SUGCT: variants seen among roughly 807,000 people sequenced by gnomAD.
SUGCT encodes the protein succinyl-CoA:glutarate CoA-transferase.
In SUGCT, 41 loss-of-function variants were observed where a neutral mutation model predicts 55.0. That is an observed-to-expected ratio of 0.74 (90% CI 0.58 to 0.97). The LOEUF (loss-of-function observed/expected upper bound fraction) is 0.97, where lower values mean the gene tolerates loss of function less well. Among genes scored for constraint, SUGCT ranks in the 50% least tolerant of loss-of-function variants. SUGCT has a pLI of 0.00. For synonymous variants in SUGCT, 187 were observed against 200.4 expected (o/e 0.93, Z 0.56); for missense variants, 568 against 547.8 (o/e 1.04, Z -0.37).
intron 12 of SUGCT, among the ~76,000 whole-genome samples, chr7:40,512,701 T>C (rs1792998403): frequency 6.6e-6 from 1 of 151,944 alleles, no homozygotes; most frequent in Admixed American, 6.6e-5. Context: ...GTGGAAAATG[T>C]GGTGAAGGGG....
At chr7:41,016,296 C>T in the SUGCT span, among the ~76,000 whole-genome samples, 12 of 152,116 alleles carry the variant, frequency 7.9e-5, no homozygotes, top group African/African-American at 2.7e-4. Context: ...ACTGGCTAAT[C>T]TTAGAGACAG....
intron 7 of SUGCT, among the ~76,000 whole-genome samples, chr7:40,243,062 A>T: frequency 6.9e-6 from 1 of 144,408 alleles, no homozygotes; most frequent in East Asian, 2.1e-4. Flanking sequence ...CAGCCTCCTG[A>T]GTAGCTGGGA....
intron 9 of SUGCT, among the ~76,000 whole-genome samples, chr7:40,381,635 T>C (rs1001748672): frequency 7.2e-5 from 11 of 152,122 alleles, no homozygotes; most frequent in African/African-American, 2.7e-4. Flanking sequence ...TCAATCATGT[T>C]GTGGTAGTGT....
intron 7 of SUGCT, among the ~76,000 whole-genome samples, chr7:40,255,087 C>T (rs1196697683): frequency 6.6e-6 from 1 of 150,906 alleles, no homozygotes; most frequent in Non-Finnish European, 1.5e-5. Context: ...ATTAGCCATG[C>T]GTGGTGGCAG....
chr7:40,705,999 C>G (rs955978827), intron 12 of SUGCT, among the ~76,000 whole-genome samples: 2 of 152,170 alleles, frequency 1.3e-5, no homozygotes, highest in African/African-American at 2.4e-5. Context: ...GCTTCAGAGG[C>G]ATGTGATTTT....
chr7:40,410,369 C>CA (rs1468251082), intron 9 of SUGCT, among the ~76,000 whole-genome samples: 3 of 152,196 alleles, frequency 2.0e-5, no homozygotes, highest in South Asian at 4.2e-4. Context: ...TAAATGAAGG[C>CA]AATAGGGAGA....
the SUGCT span, among the ~76,000 whole-genome samples, chr7:40,868,784 G>C: frequency 2.6e-5 from 4 of 152,166 alleles, no homozygotes; most frequent in Non-Finnish European, 5.9e-5. Flanking sequence ...CTGGCCTCAA[G>C]TGATTCTCTC....
chr7:40,684,655 A>G (rs1357622569), intron 12 of SUGCT, among the ~76,000 whole-genome samples: 1 of 152,170 alleles, frequency 6.6e-6, no homozygotes, highest in Non-Finnish European at 1.5e-5. Context: ...TCCATGGACA[A>G]TGAGGATTTA....
intron 12 of SUGCT, among the ~76,000 whole-genome samples, chr7:40,647,714 G>T (rs997493239): frequency 1.3e-5 from 2 of 152,034 alleles, no homozygotes; most frequent in Admixed American, 1.3e-4. Flanking sequence ...AGCCAGGCAT[G>T]GGGGTGGGCA....
chr7:40,475,549 G>A (rs1790620572), intron 11 of SUGCT, among the ~76,000 whole-genome samples: 1 of 152,124 alleles, frequency 6.6e-6, no homozygotes, highest in Non-Finnish European at 1.5e-5. Flanking sequence ...AACCATATTG[G>A]TGACTAATTC....
intron 13 of SUGCT, among the ~76,000 whole-genome samples, chr7:40,844,028 A>G (rs992731720): frequency 6.6e-6 from 1 of 151,960 alleles, no homozygotes; most frequent in Non-Finnish European, 1.5e-5. Context: ...GGGTGCAGGA[A>G]CCAGGGCAAA....
chr7:40,759,154 T>C (rs1262089530), intron 13 of SUGCT, among the ~76,000 whole-genome samples: 2 of 152,196 alleles, frequency 1.3e-5, no homozygotes, highest in African/African-American at 4.8e-5. Flanking sequence ...GCTTTCTCTT[T>C]GTTGCTGGGC....
chr7:40,390,355 G>A (rs1785357902), intron 9 of SUGCT, among the ~76,000 whole-genome samples: 6 of 152,156 alleles, frequency 3.9e-5, no homozygotes. Context: ...GTCCCTGTTT[G>A]CAGATGACAT....
intron 12 of SUGCT, among the ~76,000 whole-genome samples, chr7:40,742,819 C>T (rs1787536161): frequency 6.6e-6 from 1 of 152,060 alleles, no homozygotes; most frequent in South Asian, 2.1e-4. Context: ...GTAAGTTTTG[C>T]CTTCAGTTAT....
intron 12 of SUGCT, among the ~76,000 whole-genome samples, chr7:40,582,103 C>T (rs527617808): frequency 1.4e-4 from 21 of 152,156 alleles, no homozygotes; most frequent in South Asian, 4.2e-4. Flanking sequence ...AAACAGACAT[C>T]GCTCTCTATA....
At chr7:40,696,820 G>A (rs1201930284) in intron 12 of SUGCT, among the ~76,000 whole-genome samples, 1 of 152,090 alleles carries the variant, frequency 6.6e-6, no homozygotes, top group Non-Finnish European at 1.5e-5. Flanking sequence ...TAATTAACAC[G>A]AGAGATTTCC....
chr7:40,145,932 G>A (rs1788221612), intron 1 of SUGCT, among the ~76,000 whole-genome samples: 1 of 152,168 alleles, frequency 6.6e-6, no homozygotes, highest in South Asian at 2.1e-4. Flanking sequence ...TGTCCTGAAG[G>A]GAGTTCCTCC....
the SUGCT span, among the ~76,000 whole-genome samples, chr7:40,893,666 T>G: frequency 6.6e-6 from 1 of 152,128 alleles, no homozygotes; most frequent in Non-Finnish European, 1.5e-5. Context: ...TAAAAAAACC[T>G]GTTTTGAAAT....
intron 13 of SUGCT, among the ~76,000 whole-genome samples, chr7:40,829,262 A>ACTG (rs745318484): frequency 1.6e-3 from 236 of 151,936 alleles, no homozygotes; most frequent in African/African-American, 2.8e-3. Context: ...ATCCATAAGG[A>ACTG]CTGCTGCTGC....
Sources: allele counts gnomAD v4.1 joint callset (sites outside exome capture counted in the v4.1 genomes callset), GRCh38; gene constraint gnomAD v4.1.1; transcripts MANE v1.5; gene names NCBI Gene and HGNC (gene_info 2026-07-23, HGNC 2026-07-21).